Variants in RORA observed in about 807,000 individuals in gnomAD.
The protein encoded by RORA is nuclear receptor ROR-alpha.
RORA carries 7 observed loss-of-function variants against 69.5 expected under a neutral mutation model. That is an observed-to-expected ratio of 0.10 (90% CI 0.06 to 0.19). RORA has a LOEUF of 0.19. RORA is among the 10% of genes least tolerant of loss of function. The probability of loss-of-function intolerance (pLI) is 1.00; values close to 1 mark genes in which losing one functional copy is unlikely to be tolerated. For missense variants in RORA, 457 were observed against 663.0 expected, an observed-to-expected ratio of 0.69 and a Z score of 3.41; for synonymous variants, 261 against 240.8, an observed-to-expected ratio of 1.08 and a Z score of -0.78.
At chr15:60,814,002 G>A (rs1193755988) in intron 1 of RORA, among the ~76,000 whole-genome samples, 1 of 151,998 alleles carries the variant, frequency 6.6e-6, no homozygotes, top group Non-Finnish European at 1.5e-5. Flanking sequence ...AATCTATTTG[G>A]ATAAAAAGGC....
chr15:61,015,972 A>G (rs1895270772), intron 1 of RORA, among the ~76,000 whole-genome samples: 1 of 152,206 alleles, frequency 6.6e-6, no homozygotes, highest in Non-Finnish European at 1.5e-5. Context: ...GAACGTGGCC[A>G]AGACGACCGG....
intron 2 of RORA, among the ~76,000 whole-genome samples, chr15:60,620,446 T>G (rs544419698): frequency 2.0e-4 from 30 of 152,306 alleles, no homozygotes; most frequent in Admixed American, 3.3e-4. Context: ...TAGAACAGTG[T>G]CTGGCATGCA....
chr15:60,640,960 T>TG (rs1311585778), intron 2 of RORA, among the ~76,000 whole-genome samples: 1 of 152,204 alleles, frequency 6.6e-6, no homozygotes, highest in African/African-American at 2.4e-5. Flanking sequence ...TCTCTTCTTT[T>TG]AATTTTTTTT....
Position 61,061,225 on chromosome 15 carries a change from C to T in RORA, c.166+167828G>A, listed in dbSNP as rs1014943674. Among the ~76,000 whole-genome samples, 7 of 151,992 alleles carry T rather than the reference C, an allele frequency of 4.6e-5. No individual in the cohort carries two copies. Among genetic ancestry groups the T allele is most frequent in the Non-Finnish European group, 8.8e-5 (6 of 67,986 alleles). ...AACATTAGCCGGGCATGGTGGCGGG[C>T]GCCTGTGGTCCCAGCTACTCGGGAG... On this transcript the variant is annotated intron_variant, in intron 1 of 10. Transcript: ENST00000335670. The surrounding 1 kb of genome is among the most constrained non-coding windows in gnomAD (Gnocchi z 4.4).
At chr15:61,086,450 G>A (rs2078626275) in intron 1 of RORA, among the ~76,000 whole-genome samples, 1 of 152,202 alleles carries the variant, frequency 6.6e-6, no homozygotes. Flanking sequence ...CTAGGCCAGA[G>A]TTCTCAGCCC....
intron 5 of RORA, among the ~76,000 whole-genome samples, chr15:60,507,281 G>A (rs1002080973): frequency 6.6e-6 from 1 of 152,232 alleles, no homozygotes; most frequent in Middle Eastern, 3.4e-3. Context: ...TTAAAAGAAC[G>A]GTGCTGAATG....
intron 1 of RORA, among the ~76,000 whole-genome samples, chr15:61,005,680 T>C (rs576393401): frequency 1.6e-4 from 24 of 152,204 alleles, no homozygotes; most frequent in Non-Finnish European, 2.9e-4. Context: ...TAAATGTACT[T>C]GCATTACTTA....
chr15:60,507,352 A>G (rs2065540823), intron 5 of RORA, among the ~76,000 whole-genome samples: 2 of 152,196 alleles, frequency 1.3e-5, no homozygotes, highest in African/African-American at 4.8e-5. Flanking sequence ...TGCTTTTGTC[A>G]AACAGAAGCA....
chr15:61,063,855 A>G (rs2078220436), intron 1 of RORA, among the ~76,000 whole-genome samples: 1 of 152,238 alleles, frequency 6.6e-6, no homozygotes, highest in African/African-American at 2.4e-5. Flanking sequence ...CCAGCATTGC[A>G]GAATAGAGAG....
chr15:60,811,813 C>CTGTGG (rs879475867), intron 1 of RORA, among the ~76,000 whole-genome samples: 13,782 of 152,152 alleles, frequency 0.091, 1,270 homozygotes, highest in African/African-American at 0.24. Context: ...CATTAATCCA[C>CTGTGG]AGTAAGCAAT....
intron 1 of RORA, among the ~76,000 whole-genome samples, chr15:61,107,583 TCAAA>T (rs2140771723): frequency 6.6e-6 from 1 of 152,040 alleles, no homozygotes; most frequent in South Asian, 2.1e-4. Context: ...GAAAAAGTTG[TCAAA>T]CAACCTCAAG....
At chr15:61,214,479 T>C (rs1037332097) in intron 1 of RORA, among the ~76,000 whole-genome samples, 1 of 152,210 alleles carries the variant, frequency 6.6e-6, no homozygotes, top group African/African-American at 2.4e-5. Context: ...GCAAGCATTA[T>C]ATATACGAAA....
intron 1 of RORA, among the ~76,000 whole-genome samples, chr15:61,059,518 T>C (rs1298960138): frequency 6.6e-6 from 1 of 152,268 alleles, no homozygotes; most frequent in Non-Finnish European, 1.5e-5. Flanking sequence ...GAATTATGAA[T>C]GTTTCTGGAA....
At chr15:61,157,608 T>C (rs1463346471) in intron 1 of RORA, among the ~76,000 whole-genome samples, 1 of 152,122 alleles carries the variant, frequency 6.6e-6, no homozygotes, top group Non-Finnish European at 1.5e-5. Flanking sequence ...CCTCACCATG[T>C]GCTGGCACAA....
chr15:60,528,481 G>C (rs2066430553), intron 3 of RORA: 1 of 152,208 alleles, frequency 6.6e-6, no homozygotes, highest in African/African-American at 2.4e-5. Context: ...TAAACTGCTT[G>C]AGGGAAAGAT....
chr15:61,187,525 G>A (rs949708619), intron 1 of RORA, among the ~76,000 whole-genome samples: 2 of 152,224 alleles, frequency 1.3e-5, no homozygotes, highest in African/African-American at 2.4e-5. Flanking sequence ...GGGATGGGAA[G>A]TGGGCCCGTG....
At chr15:60,524,866 A>G (rs2066296324) in intron 3 of RORA, among the ~76,000 whole-genome samples, 3 of 152,220 alleles carry the variant, frequency 2.0e-5, no homozygotes, top group Non-Finnish European at 2.9e-5. Flanking sequence ...AGGGATATGT[A>G]TATCTGCTTT....
At chr15:60,940,292 C>A (rs1892653438) in intron 1 of RORA, among the ~76,000 whole-genome samples, 1 of 152,156 alleles carries the variant, frequency 6.6e-6, no homozygotes, top group Non-Finnish European at 1.5e-5. Context: ...AAGGAATAAA[C>A]AAACTGTACG....
At chr15:61,053,124 AC>A (rs1434292866) in intron 1 of RORA, among the ~76,000 whole-genome samples, 1 of 152,200 alleles carries the variant, frequency 6.6e-6, no homozygotes, top group African/African-American at 2.4e-5. Context: ...ATAAAACCAG[AC>A]CTGATCGGAG....
Sources: gnomAD v4.1 joint callset for allele counts (sites outside exome capture counted in the v4.1 genomes callset) on GRCh38, gnomAD v4.1.1 for gene constraint, Gnocchi (gnomAD v3.1) non-coding constraint, MANE v1.5 for transcripts, NCBI Gene and HGNC (gene_info 2026-07-23, HGNC 2026-07-21) for gene names.